The following DLGAP2 variants were observed in gnomAD, a reference collection of about 807,000 sequenced individuals.
DLGAP2 encodes DLG associated protein 2, also known as disks large-associated protein 2.
DLGAP2 carries 26 observed loss-of-function variants against 100.3 expected under a neutral mutation model. That is an observed-to-expected ratio of 0.26 (90% confidence interval 0.19 to 0.36). DLGAP2 has a LOEUF of 0.36. Ranked by LOEUF, DLGAP2 falls within the 10% of genes least tolerant of loss-of-function variation. The pLI, the probability that DLGAP2 is intolerant of heterozygous loss-of-function variation, is 1.00. For missense variants in DLGAP2, 1,858 were observed against 1,453.2 expected (o/e 1.28, Z -4.53); for synonymous variants, 886 against 630.1 (o/e 1.41, Z -6.08).
Position 1,358,302 on chromosome 8 carries a change from A to C in DLGAP2, c.106+99419A>C, listed in dbSNP as rs531231865. Among the ~76,000 whole-genome samples the C allele has an allele frequency of 7.3e-4, 111 of 152,310 alleles. 1 individual carries two copies. The highest frequency in any genetic ancestry group is 5.6e-3 in the South Asian group (27 of 4,810). On this transcript the variant is annotated intron_variant, in intron 3 of 14. Transcript: ENST00000637795. Reference sequence around the variant, plus strand: ...TATCTTAACGTCTTCATTTCCGATCAGCAGCTTTTGTTGCAAATATGTCAG... The same window carrying C: ...TATCTTAACGTCTTCATTTCCGATCCGCAGCTTTTGTTGCAAATATGTCAG...
At chr8:1,350,899 A>C (rs1398775038) in intron 3 of DLGAP2, among the ~76,000 whole-genome samples, 1 of 120,480 alleles carries the variant, frequency 8.3e-6, no homozygotes, top group African/African-American at 3.3e-5. Context: ...TGTGCGTGGA[A>C]AGGCCGTGCG....
chr8:1,231,221 A>G (rs1798528268), intron 2 of DLGAP2, among the ~76,000 whole-genome samples: 1 of 152,176 alleles, frequency 6.6e-6, no homozygotes, highest in South Asian at 2.1e-4. Context: ...CATGTAGTCA[A>G]AAAACCCACG....
intron 2 of DLGAP2, among the ~76,000 whole-genome samples, chr8:1,029,102 T>G (rs992534841): frequency 3.9e-5 from 6 of 152,074 alleles, no homozygotes; most frequent in Non-Finnish European, 7.4e-5. Context: ...GGGCTGCAGG[T>G]GCAGGGGGAG....
At chr8:863,759 C>T (rs188807257) in intron 1 of DLGAP2, among the ~76,000 whole-genome samples, 142 of 152,298 alleles carry the variant, frequency 9.3e-4, no homozygotes, top group African/African-American at 3.2e-3. Context: ...GAGGGGAACT[C>T]TTACACGCTG....
At chr8:1,027,159 G>A (rs902360941) in intron 2 of DLGAP2, among the ~76,000 whole-genome samples, 1 of 152,192 alleles carries the variant, frequency 6.6e-6, no homozygotes, top group Non-Finnish European at 1.5e-5. Context: ...ATGGGAAATG[G>A]AAGAAGTTCA....
intron 4 of DLGAP2, among the ~76,000 whole-genome samples, chr8:1,532,777 G>A (rs1375565185): frequency 6.6e-6 from 1 of 152,166 alleles, no homozygotes; most frequent in East Asian, 1.9e-4. Context: ...TTCTACTGAC[G>A]TCAGTTAGGA....
At chr8:986,060 A>G (rs1800478314) in intron 2 of DLGAP2, among the ~76,000 whole-genome samples, 1 of 152,114 alleles carries the variant, frequency 6.6e-6, no homozygotes, top group Admixed American at 6.5e-5. Context: ...GGTTGGGAAG[A>G]AGTTTCTGGA....
intron 3 of DLGAP2, among the ~76,000 whole-genome samples, chr8:1,303,235 A>G (rs1228917581): frequency 1.3e-5 from 2 of 152,094 alleles, no homozygotes; most frequent in African/African-American, 4.8e-5. Context: ...GTCTCTACTA[A>G]AAATACAAAA....
At chr8:822,046 A>T (rs932672420) in intron 1 of DLGAP2, 2 of 398,648 alleles carry the variant, frequency 5.0e-6, no homozygotes, top group Non-Finnish European at 8.9e-6. Flanking sequence ...GAGGTTATTT[A>T]CCCTTTTTAT....
chr8:1,097,458 G>T lies in DLGAP2; in HGVS notation c.74-161393G>T, dbSNP rs375032425. 6.1e-5 allele frequency among the ~76,000 whole-genome samples: 8 copies of T among 131,488 alleles called. 1 individual carries two copies. In the East Asian group the frequency reaches 1.7e-3, roughly 28 times the overall value. The allele number at this position is 131,488 out of a possible 152,430, so 86.3% of individuals were successfully genotyped here. A position where few individuals can be genotyped will look rare whatever the true frequency, so the allele number is the denominator to read the frequency against. ...GTGAGACCCACCTCCCTGTGCTCAG[G>T]AGAGTCAAGCTGGGAGCCTAGGGCA... is the stretch of plus-strand genomic sequence containing the variant. On this transcript the variant is annotated intron_variant, in intron 2 of 14. Coordinates refer to ENST00000637795, the MANE Select transcript of DLGAP2 (RefSeq NM_001346810.2).
intron 3 of DLGAP2, among the ~76,000 whole-genome samples, chr8:1,492,627 C>A (rs1368221120): frequency 1.3e-5 from 2 of 152,234 alleles, no homozygotes; most frequent in Non-Finnish European, 2.9e-5. Context: ...CCCCTCCCCC[C>A]ACGAAGAGGT....
intron 2 of DLGAP2, among the ~76,000 whole-genome samples, chr8:994,945 CATCACGG>C (rs1479876355): frequency 3.9e-5 from 6 of 152,156 alleles, no homozygotes; most frequent in African/African-American, 1.4e-4. Context: ...GTACAGTTGG[CATCACGG>C]GGGCAGGGCA....
At chr8:1,611,576 A>G (rs1358296500) in intron 6 of DLGAP2, among the ~76,000 whole-genome samples, 1 of 38,888 alleles carries the variant, frequency 2.6e-5, no homozygotes, top group African/African-American at 1.8e-4. Flanking sequence ...AGGGTATTCA[A>G]TTAGGAAAAG....
intron 2 of DLGAP2, among the ~76,000 whole-genome samples, chr8:1,245,770 A>T (rs181810952): frequency 2.9e-3 from 443 of 152,306 alleles, no homozygotes; most frequent in Non-Finnish European, 4.4e-3. Flanking sequence ...AATCACTTTT[A>T]AAAAAGCAAT....
In DLGAP2 at chr8:1,701,602, T is replaced by C. The variant is rs1563072236; in HGVS notation, c.*196T>C. 9.6e-6 allele frequency: 6 copies of C among 627,612 alleles called. No homozygotes were observed. The highest frequency in any genetic ancestry group is 1.6e-5 in the Non-Finnish European group (6 of 370,450). The allele number at this position is 627,612 out of a possible 1,614,324, so 38.9% of individuals were successfully genotyped here. A position where few individuals can be genotyped will look rare whatever the true frequency, so the allele number is the denominator to read the frequency against. ...AGCTCGCGGCGAGGACGACTTCTGC[T>C]TTTGTTGTTGTTGTTGTTGTTCACG... On this transcript the variant is annotated 3_prime_UTR_variant, in exon 15 of 15. Coordinates refer to ENST00000637795, the MANE Select transcript of DLGAP2 (RefSeq NM_001346810.2).
At chr8:1,231,162 C>G (rs925826025) in intron 2 of DLGAP2, among the ~76,000 whole-genome samples, 1 of 152,004 alleles carries the variant, frequency 6.6e-6, no homozygotes, top group Non-Finnish European at 1.5e-5. Context: ...ACAAATAGCC[C>G]CATTAAAATT....
intron 2 of DLGAP2, among the ~76,000 whole-genome samples, chr8:1,244,009 T>C (rs111536936): frequency 4.6e-5 from 7 of 151,766 alleles, no homozygotes; most frequent in South Asian, 2.1e-4. Context: ...TCCCAGCCTC[T>C]GCACTCCACC....
chr8:1,227,261 C>T (rs942402614), intron 2 of DLGAP2, among the ~76,000 whole-genome samples: 9 of 139,568 alleles, frequency 6.4e-5, no homozygotes, highest in African/African-American at 2.5e-4. Context: ...TATTATTCAG[C>T]CTTATAAAAA....
intron 1 of DLGAP2, among the ~76,000 whole-genome samples, chr8:853,528 C>G (rs923706299): frequency 6.6e-6 from 1 of 152,170 alleles, no homozygotes; most frequent in African/African-American, 2.4e-5. Context: ...CCCACGACAT[C>G]CAAGTTCTCA....
Sources: gnomAD v4.1 joint callset for allele counts (sites outside exome capture counted in the v4.1 genomes callset) on GRCh38, gnomAD v4.1.1 for gene constraint, MANE v1.5 for transcripts, NCBI Gene and HGNC (gene_info 2026-07-23, HGNC 2026-07-21) for gene names.